The following TFEC variants were observed in gnomAD, a reference collection of about 807,000 sequenced individuals.
The protein encoded by TFEC is class E basic helix-loop-helix protein 34.
TFEC carries 31 observed loss-of-function variants against 41.6 expected under a neutral mutation model. That is an observed-to-expected ratio of 0.74 (90% CI 0.56 to 1.01). TFEC has a LOEUF of 1.01. TFEC is among the 50% of genes least tolerant of loss of function. The probability of loss-of-function intolerance (pLI) is 0.00; values close to 1 mark genes in which losing one functional copy is unlikely to be tolerated. For synonymous variants in TFEC, 143 were observed against 140.6 expected, an observed-to-expected ratio of 1.02 and a Z score of -0.12; for missense variants, 402 against 404.1, an observed-to-expected ratio of 0.99 and a Z score of 0.04.
intron 3 of TFEC, among the ~76,000 whole-genome samples, chr7:116,059,488 A>G (rs1395280352): frequency 6.6e-6 from 1 of 151,768 alleles, no homozygotes; most frequent in Non-Finnish European, 1.5e-5. Context: ...TCCCCCACTC[A>G]CTCTATAAAG....
chr7:116,011,152 G>T (rs1052690624), intron 1 of TFEC, among the ~76,000 whole-genome samples: 7 of 152,160 alleles, frequency 4.6e-5, no homozygotes, highest in African/African-American at 1.7e-4. Context: ...ATGGGATGCT[G>T]CCTTAGGCCC....
At chr7:116,038,899 C>G (rs1795970407) in intron 3 of TFEC, among the ~76,000 whole-genome samples, 1 of 152,050 alleles carries the variant, frequency 6.6e-6, no homozygotes, top group Non-Finnish European at 1.5e-5. Flanking sequence ...CTCATAGTTA[C>G]TCAAGGACAC....
chr7:116,108,452 A>G (rs1299936160), intron 3 of TFEC, among the ~76,000 whole-genome samples: 1 of 152,100 alleles, frequency 6.6e-6, no homozygotes, highest in African/African-American at 2.4e-5. Flanking sequence ...CATCGAATTT[A>G]TTTATTTCCC....
In TFEC at chr7:115,942,004, T is replaced by C. The variant is rs773475536; in HGVS notation, c.552A>G (p.Ala184=). The C allele has an allele frequency of 1.9e-6, 3 of 1,613,072 alleles. No homozygotes were observed. Among genetic ancestry groups the C allele is most frequent in the South Asian group, 2.2e-5 (2 of 91,040 alleles). ...MRWNKGTILK[A]SVEYIKWLQK... The stretch of plus-strand genomic sequence containing the variant: ...GTAGCCACTTGATGTACTCCACTGA[T>C]GCTTTTAGAATGGTTCCTTTGTTCC... The change falls in exon 7 of 8, where the codon GCA becomes GCG. Residue 184 remains alanine, a synonymous_variant. Coordinates refer to ENST00000265440, the MANE Select transcript of TFEC (RefSeq NM_012252.4).
At chr7:116,153,777 A>G (rs1200981268) in intron 1 of TFEC, among the ~76,000 whole-genome samples, 1 of 152,226 alleles carries the variant, frequency 6.6e-6, no homozygotes, top group Non-Finnish European at 1.5e-5. Context: ...ACTGCATAAA[A>G]AAAAGATTAG....
At chr7:116,148,005 G>A (rs766195683) in intron 1 of TFEC, among the ~76,000 whole-genome samples, 4 of 152,194 alleles carry the variant, frequency 2.6e-5, no homozygotes, top group Non-Finnish European at 4.4e-5. Flanking sequence ...GATAAGGGAA[G>A]TAAGATTGAC....
intron 1 of TFEC, among the ~76,000 whole-genome samples, chr7:116,000,442 G>A (rs377068287): frequency 9.9e-5 from 15 of 152,052 alleles, no homozygotes; most frequent in African/African-American, 3.4e-4. Context: ...GTCCTAGCTA[G>A]AGCAATCAGA....
At chr7:116,110,781 T>A in exon 3 of TFEC, 1 of 1,547,720 alleles carries the variant, frequency 6.5e-7, no homozygotes, top group Non-Finnish European at 8.7e-7. Context: ...CACTGGTTTG[T>A]ATGAAAACTG....
At chr7:116,157,579 A>AG (rs755404607) in intron 1 of TFEC, among the ~76,000 whole-genome samples, 1 of 152,146 alleles carries the variant, frequency 6.6e-6, no homozygotes, top group Non-Finnish European at 1.5e-5. Flanking sequence ...AATGGAAATC[A>AG]GGATTCTAAG....
chr7:116,050,861 A>G (rs945640005), intron 3 of TFEC, among the ~76,000 whole-genome samples: 2 of 152,218 alleles, frequency 1.3e-5, no homozygotes, highest in Non-Finnish European at 2.9e-5. Flanking sequence ...TTTTTATTGC[A>G]GCACTATTCA....
rs1339311496 is a variant in TFEC at position 115,938,281 on chromosome 7, C to T, written c.*2270G>A. 1.3e-5 allele frequency: 2 copies of T among 151,890 alleles called. No homozygotes were observed. The highest frequency in any genetic ancestry group is 2.9e-5 in the Non-Finnish European group (2 of 67,854). The allele number at this position is 151,890 out of a possible 1,614,324, so 9.4% of individuals were successfully genotyped here. ...AGATAAAATGAGAACTGAAGCCAGT[C>T]TCTATCTAATAAAGTGGTGTGTTTT... On this transcript the variant is annotated 3_prime_UTR_variant, in exon 8 of 8. Coordinates refer to ENST00000265440, the MANE Select transcript of TFEC (RefSeq NM_012252.4).
chr7:116,028,219 A>C (rs977344426), intron 1 of TFEC, among the ~76,000 whole-genome samples: 1 of 152,182 alleles, frequency 6.6e-6, no homozygotes, highest in Non-Finnish European at 1.5e-5. Context: ...ATGCTCCAAT[A>C]AATACAATTT....
rs532132997 is a variant in TFEC, at chr7:116,045,240, T to C, written c.199-60727A>G. On this transcript the variant is annotated intron_variant, in intron 3 of 8. Coordinates refer to the TFEC transcript ENST00000484212. ...AGGCTGAGGTGGTCTCAGATGGAGA[T>C]AAGGAACTTTTTGGGAAATGGAGCA... Among the ~76,000 whole-genome samples, 8 of 152,348 alleles carry C rather than the reference T, an allele frequency of 5.3e-5. No individual in the cohort carries two copies. In the East Asian group the frequency reaches 9.6e-4, roughly 18 times the overall value.
At chr7:116,065,512 T>A (rs2131004619) in intron 3 of TFEC, among the ~76,000 whole-genome samples, 1 of 152,216 alleles carries the variant, frequency 6.6e-6, no homozygotes, top group Middle Eastern at 3.4e-3. Context: ...AAAGAGGTGA[T>A]TTCTGGTCCT....
At chr7:115,993,804 C>T (rs986419198) in intron 1 of TFEC, among the ~76,000 whole-genome samples, 1 of 148,040 alleles carries the variant, frequency 6.8e-6, no homozygotes, top group South Asian at 2.1e-4. Flanking sequence ...AGATTCAATA[C>T]CATCCCCATC....
intron 3 of TFEC, among the ~76,000 whole-genome samples, chr7:116,060,361 G>C (rs557986807): frequency 1.3e-4 from 20 of 152,226 alleles, no homozygotes; most frequent in African/African-American, 4.8e-4. Flanking sequence ...CCCATTACTG[G>C]ATATATACCC....
chr7:116,077,334 AC>A (rs1194044405), intron 3 of TFEC, among the ~76,000 whole-genome samples: 2 of 152,158 alleles, frequency 1.3e-5, no homozygotes, highest in Non-Finnish European at 2.9e-5. Flanking sequence ...CTTAAATCTC[AC>A]AAGACCTATA....
intron 3 of TFEC, among the ~76,000 whole-genome samples, chr7:116,098,441 C>T (rs932492069): frequency 2.0e-5 from 3 of 152,100 alleles, no homozygotes; most frequent in East Asian, 1.9e-4. Flanking sequence ...ATAAAATAGA[C>T]TTCTGAGCAA....
intron 7 of TFEC, 196 bp downstream of exon 7, chr7:115,941,697 A>G: frequency 4.8e-6 from 3 of 625,006 alleles, no homozygotes; most frequent in Non-Finnish European, 5.5e-6. Flanking sequence ...ATATTCAGCC[A>G]TCTTGATCCT....
Sources: gnomAD v4.1 joint callset for allele counts (sites outside exome capture counted in the v4.1 genomes callset) on GRCh38, gnomAD v4.1.1 for gene constraint, MANE v1.5 for transcripts, NCBI Gene and HGNC (gene_info 2026-07-23, HGNC 2026-07-21) for gene names.